The following DDN variants were observed in gnomAD, a reference collection of about 807,000 sequenced individuals.
DDN encodes dendrin.
Under a neutral mutation model 7.3 loss-of-function variants are expected in DDN, and 4 were observed. That is an observed-to-expected ratio of 0.55 (90% CI 0.27 to 1.25). The LOEUF is 1.25. DDN is among the 50% of genes most tolerant of loss of function. DDN has a pLI of 0.12. For missense variants in DDN, 933 were observed against 974.7 expected (o/e 0.96, Z 0.57); for synonymous variants, 425 against 424.3 (o/e 1.00, Z -0.02).
In DDN at chr12:48,996,811, G is replaced by T; in HGVS notation, c.2065C>A (p.Gln689Lys). The T allele has an allele frequency of 6.2e-7, 1 of 1,614,154 alleles. No homozygotes were observed. The highest frequency in any genetic ancestry group is 8.5e-7 in the Non-Finnish European group (1 of 1,180,012). The stretch of plus-strand genomic sequence containing the variant: ...ACCCCGAAGAGGACCTCCTCGGTTT[G>T]GCTTATGACATCTAGGATCTCCCCG... ...SVGEILDVISQTEEVLFGVRD... is the reference protein window; with the variant it reads ...SVGEILDVISKTEEVLFGVRD... Residue 689 changes from glutamine to lysine, a missense_variant, in exon 2 of 2, where the codon CAA (glutamine) becomes AAA (lysine). Coordinates refer to ENST00000421952, the MANE Select transcript of DDN (RefSeq NM_015086.2).
At position 48,998,227 on chromosome 12, in the gene DDN, G is replaced by C. The variant is rs1172374782; in HGVS notation, c.649C>G (p.Pro217Ala). The C allele has an allele frequency of 6.2e-7, 1 of 1,612,484 alleles. No homozygotes were observed. Residue 217 changes from proline to alanine, a missense_variant, in exon 2 of 2, where the codon CCA becomes GCA. Coordinates refer to ENST00000421952, the MANE Select transcript of DDN (RefSeq NM_015086.2). Reference protein sequence around the residue: ...LLLRGSAGTAPRRRWDRPPPY... With the variant: ...LLLRGSAGTAARRRWDRPPPY... ...GGCGGCCGGTCCCAGCGGCGTCGTG[G>C]GGCGGTCCCGGCAGAACCTCTCAGC...
In DDN at chr12:48,997,446, AG is replaced by A; in HGVS notation, c.1429del (p.Leu477PhefsTer6). ...CACGCGTGTCACCCCAGAGGGCAAAAGCTGCACCTGCTGGGTTCGGGGGGTT... is the reference window on the plus strand; with the variant it reads ...CACGCGTGTCACCCCAGAGGGCAAAACTGCACCTGCTGGGTTCGGGGGGTT... ...VPTPRTQQVQ[L>X]LPSGVTRVVG... is the part of the protein sequence containing the mutation. On this transcript the variant is annotated frameshift_variant, in exon 2 of 2. Coordinates refer to ENST00000421952, the MANE Select transcript of DDN (RefSeq NM_015086.2). LOFTEE classifies it low-confidence loss of function (END_TRUNC). 1 of 1,614,084 alleles carries A rather than the reference AG, an allele frequency of 6.2e-7. No homozygotes were observed. The highest frequency in any genetic ancestry group is 8.5e-7 in the Non-Finnish European group (1 of 1,180,008).
Position 48,997,816 on chromosome 12 carries a change from C to G in DDN, c.1060G>C (p.Ala354Pro), listed in dbSNP as rs1203889421. Residue 354 changes from alanine to proline, a missense_variant, in exon 2 of 2, where the codon GCT (alanine) becomes CCT (proline). Transcript: ENST00000421952. Reference sequence around the variant, plus strand: ...GGAGCGGGATGCGGGGCACAGGGAGCCGCAGTTGCAGACCCCGCAGGAGCT... The same window carrying G: ...GGAGCGGGATGCGGGGCACAGGGAGGCGCAGTTGCAGACCCCGCAGGAGCT... ...EIAPAGSATAAPCAPHPAPRS... is the reference protein window; with the variant it reads ...EIAPAGSATAPPCAPHPAPRS... 6.2e-7 allele frequency: 1 copy of G among 1,613,914 alleles called. No homozygotes were observed. The highest frequency in any genetic ancestry group is 8.5e-7 in the Non-Finnish European group (1 of 1,179,914).
chr12:48,998,976 G>A lies in DDN; in HGVS notation c.209+103C>T, dbSNP rs930819927. The A allele has an allele frequency of 1.3e-5, 17 of 1,330,916 alleles. No individual in the cohort carries two copies. In the African/African-American group the frequency reaches 2.3e-4, roughly 18 times the overall value. 82.4% of individuals were successfully genotyped at this position (1,330,916 alleles called of 1,614,324 possible). A position where few individuals can be genotyped will look rare whatever the true frequency, so the allele number is the denominator to read the frequency against. ...GGAGCGGGCAGAGGTGGAAGGCGTG[G>A]GAAAGAGAAGGGGGACCAGCAGTGC... On this transcript the variant is annotated intron_variant, in intron 1 of 1. Coordinates refer to ENST00000421952, the MANE Select transcript of DDN (RefSeq NM_015086.2).
chr12:48,998,650 C>A lies in DDN; in HGVS notation c.226G>T (p.Gly76Ter). ...FQNRTCGPRP[G>*]SPQPPPRRPW... ...CGGCGGGGCGGCGGCTGTGGGGATCCCGGGCGCGGCCCACACCTGGGACAA... is the reference window on the plus strand; with the variant it reads ...CGGCGGGGCGGCGGCTGTGGGGATCACGGGCGCGGCCCACACCTGGGACAA... Residue 76 changes from glycine to a stop codon, truncating the protein, a stop_gained, in exon 2 of 2, where the codon GGA becomes TGA. Transcript: ENST00000421952. LOFTEE classifies it low-confidence loss of function (END_TRUNC). 1 of 1,519,382 alleles carries A rather than the reference C, an allele frequency of 6.6e-7. No homozygotes were observed. The highest frequency in any genetic ancestry group is 1.2e-5 in the South Asian group (1 of 80,364). 94.1% of individuals were successfully genotyped at this position (1,519,382 alleles called of 1,614,324 possible).
chr12:48,997,041 C>A lies in DDN; in HGVS notation c.1835G>T (p.Arg612Leu). ...GCGGCGGATACGGGACACGGCTTCTCGCAGGGCCCCGGCGTAGGGCCCTGG... is the reference window on the plus strand; with the variant it reads ...GCGGCGGATACGGGACACGGCTTCTAGCAGGGCCCCGGCGTAGGGCCCTGG... ...RTPGPYAGAL[R>L]EAVSRIRRHT... The change falls in exon 2 of 2, where the codon CGA becomes CTA. Residue 612 changes from arginine to leucine, a missense_variant. Coordinates refer to ENST00000421952, the MANE Select transcript of DDN (RefSeq NM_015086.2). The A allele has an allele frequency of 6.4e-7, 1 of 1,554,698 alleles. No individual in the cohort carries two copies. Among genetic ancestry groups the A allele is most frequent in the Non-Finnish European group, 8.7e-7 (1 of 1,153,480 alleles).
rs1416336732 is a variant in DDN at position 48,998,447 on chromosome 12, G to C, written c.429C>G (p.Pro143=). ...GAGGGGCGTTGCGGGGCTCCGGGCG[G>C]GGTCGACCCGGGGGGCTCCGTCGGG... ...GGARRSPPGR[P]RPEPRNAPRV... is the part of the protein sequence containing the mutation. Residue 143 remains proline, a synonymous_variant, in exon 2 of 2, where the codon CCC becomes CCG. Transcript: ENST00000421952. 3 of 1,537,534 alleles carry C rather than the reference G, an allele frequency of 2.0e-6. No homozygotes were observed. The highest frequency in any genetic ancestry group is 1.2e-5 in the South Asian group (1 of 82,798).
chr12:48,998,999 T>A lies in DDN; in HGVS notation c.209+80A>T. The A allele has an allele frequency of 2.7e-6, 4 of 1,458,376 alleles. No individual in the cohort carries two copies. In the East Asian group the frequency reaches 9.1e-5, roughly 33 times the overall value. 90.3% of individuals were successfully genotyped at this position (1,458,376 alleles called of 1,614,324 possible). A position where few individuals can be genotyped will look rare whatever the true frequency, so the allele number is the denominator to read the frequency against. On this transcript the variant is annotated intron_variant, in intron 1 of 1. Transcript: ENST00000421952. ...TGGGAAAGAGAAGGGGGACCAGCAG[T>A]GCTCGCTGGTGCCTGCGGGGAGGTC...
rs982196468 is a variant in DDN at position 48,996,389 on chromosome 12, G to A, written c.*351C>T. On this transcript the variant is annotated 3_prime_UTR_variant, in exon 2 of 2. Coordinates refer to ENST00000421952, the MANE Select transcript of DDN (RefSeq NM_015086.2). ...CTTCACTTTTTCCCTCCTCCTCAGA[G>A]GCCCTACCCTACCCTGCCCTCCTAT... The A allele has an allele frequency of 2.3e-5, 5 of 216,456 alleles. No homozygotes were observed. The highest frequency in any genetic ancestry group is 3.7e-5 in the Non-Finnish European group (4 of 108,182). 13.4% of individuals were successfully genotyped at this position (216,456 alleles called of 1,614,324 possible).
At position 48,996,480 on chromosome 12, in the gene DDN, G is replaced by C. The variant is rs529181803; in HGVS notation, c.*260C>G. On this transcript the variant is annotated 3_prime_UTR_variant, in exon 2 of 2. Coordinates refer to ENST00000421952, the MANE Select transcript of DDN (RefSeq NM_015086.2). Reference sequence around the variant, plus strand: ...GCCTCTCTGCTCAGCTCCACACCCAGTGCATCAGCCCCTGCGAAGAGCTCA... The same window carrying C: ...GCCTCTCTGCTCAGCTCCACACCCACTGCATCAGCCCCTGCGAAGAGCTCA... 2.1e-6 allele frequency: 1 copy of C among 480,590 alleles called. No individual in the cohort carries two copies. The highest frequency in any genetic ancestry group is 3.6e-6 in the Non-Finnish European group (1 of 281,628). 29.8% of individuals were successfully genotyped at this position (480,590 alleles called of 1,614,324 possible).
rs867904797 is a variant in DDN, at chr12:48,998,326, C to A, written c.550G>T (p.Asp184Tyr). The change falls in exon 2 of 2, where the codon GAC becomes TAC. Residue 184 changes from aspartate (D) to tyrosine (Y), a missense_variant. Asp to Tyr is a radical substitution (Grantham distance 160). Coordinates refer to ENST00000421952, the MANE Select transcript of DDN (RefSeq NM_015086.2). Reference sequence around the variant, plus strand: ...GGCCCCGCCCACGCCGACCCTGGGTCGCTCTGCGGCTGCGCGGATGGACGG... The same window carrying A: ...GGCCCCGCCCACGCCGACCCTGGGTAGCTCTGCGGCTGCGCGGATGGACGG... ...APRPSAQPQS[D>Y]PGSAWAGPWG... 2 of 1,548,924 alleles carry A rather than the reference C, an allele frequency of 1.3e-6. No homozygotes were observed. The highest frequency in any genetic ancestry group is 1.8e-4 in the Middle Eastern group (1 of 5,688).
At position 48,997,817 on chromosome 12, in the gene DDN, C is replaced by T. The variant is rs745961256; in HGVS notation, c.1059G>A (p.Ala353=). 9.3e-6 allele frequency: 15 copies of T among 1,613,932 alleles called. No individual in the cohort carries two copies. Among genetic ancestry groups the T allele is most frequent in the Non-Finnish European group, 1.3e-5 (15 of 1,179,926 alleles). The change falls in exon 2 of 2, where the codon GCG becomes GCA. Residue 353 remains alanine, a synonymous_variant. Transcript: ENST00000421952. ...GAGCGGGATGCGGGGCACAGGGAGC[C>T]GCAGTTGCAGACCCCGCAGGAGCTA... The part of the protein sequence containing the change: ...TEIAPAGSAT[A]APCAPHPAPR...
chr12:48,996,589 C>G lies in DDN; in HGVS notation c.*151G>C. ...AAACAAAATCATTAATGGGCATATG[C>G]TTCCCTTCCTTTCATTTATATTTCA... On this transcript the variant is annotated 3_prime_UTR_variant, in exon 2 of 2. Coordinates refer to ENST00000421952, the MANE Select transcript of DDN (RefSeq NM_015086.2). 1 of 1,306,030 alleles carries G rather than the reference C, an allele frequency of 7.7e-7. No homozygotes were observed. Among genetic ancestry groups the G allele is most frequent in the Non-Finnish European group, 1.0e-6 (1 of 979,888 alleles). 80.9% of individuals were successfully genotyped at this position (1,306,030 alleles called of 1,614,324 possible). A position where few individuals can be genotyped will look rare whatever the true frequency, so the allele number is the denominator to read the frequency against.
At position 48,996,517 on chromosome 12, in the gene DDN, T is replaced by C; in HGVS notation, c.*223A>G. ...CTGCGAAGAGCTCACCCTTGTGCCC[T>C]GAACATAACAGACATTAATTAAATC... On this transcript the variant is annotated 3_prime_UTR_variant, in exon 2 of 2. Transcript: ENST00000421952. 1 of 736,928 alleles carries C rather than the reference T, an allele frequency of 1.4e-6. No individual in the cohort carries two copies. Among genetic ancestry groups the C allele is most frequent in the Non-Finnish European group, 2.1e-6 (1 of 481,388 alleles). The allele number at this position is 736,928 out of a possible 1,614,324, so 45.6% of individuals were successfully genotyped here. A position where few individuals can be genotyped will look rare whatever the true frequency, so the allele number is the denominator to read the frequency against.
At position 48,997,806 on chromosome 12, in the gene DDN, G is replaced by T. The variant is rs530036323; in HGVS notation, c.1070C>A (p.Ala357Asp). The T allele has an allele frequency of 2.2e-5, 35 of 1,613,782 alleles. No individual in the cohort carries two copies. The South Asian group carries it at 3.8e-4, about 18-fold the overall frequency. Residue 357 changes from alanine (A) to aspartate (D), a missense_variant, in exon 2 of 2, where the codon GCC (alanine) becomes GAC (aspartate). Ala to Asp is a moderately radical substitution (Grantham distance 126). Coordinates refer to ENST00000421952, the MANE Select transcript of DDN (RefSeq NM_015086.2). Reference sequence around the variant, plus strand: ...CCTGGATCTGGGAGCGGGATGCGGGGCACAGGGAGCCGCAGTTGCAGACCC... The same window carrying T: ...CCTGGATCTGGGAGCGGGATGCGGGTCACAGGGAGCCGCAGTTGCAGACCC... ...PAGSATAAPC[A>D]PHPAPRSRHH...
In DDN at chr12:48,997,339, G is replaced by C; in HGVS notation, c.1537C>G (p.Arg513Gly). 1 of 1,610,532 alleles carries C rather than the reference G, an allele frequency of 6.2e-7. No homozygotes were observed. Among genetic ancestry groups the C allele is most frequent in the Non-Finnish European group, 8.5e-7 (1 of 1,178,688 alleles). ...TGTAAAAGGCGACTGCTCGACAGCC[G>C]CTTTTGACAAGGGGAAGGAAAGACC... ...ATVFPSPCQK[R>G]LSSSRLLHQP... Residue 513 changes from arginine to glycine, a missense_variant, in exon 2 of 2, where the codon CGG (arginine) becomes GGG (glycine). Arg to Gly is a moderately radical substitution (Grantham distance 125). Coordinates refer to ENST00000421952, the MANE Select transcript of DDN (RefSeq NM_015086.2).
At position 48,998,673 on chromosome 12, in the gene DDN, C is replaced by T. The variant is rs1180786563; in HGVS notation, c.210-7G>A. The T allele has an allele frequency of 6.7e-7, 1 of 1,490,714 alleles. No homozygotes were observed. Among genetic ancestry groups the T allele is most frequent in the Middle Eastern group, 2.0e-4 (1 of 4,998 alleles). 92.3% of individuals were successfully genotyped at this position (1,490,714 alleles called of 1,614,324 possible). A position where few individuals can be genotyped will look rare whatever the true frequency, so the allele number is the denominator to read the frequency against. Reference sequence around the variant, plus strand: ...TCCCGGGCGCGGCCCACACCTGGGACAATGAGCAGGAACCCAGGTGAGCAG... The same window carrying T: ...TCCCGGGCGCGGCCCACACCTGGGATAATGAGCAGGAACCCAGGTGAGCAG... On this transcript the variant is annotated splice_region_variant and splice_polypyrimidine_tract_variant and intron_variant, in intron 1 of 1. Transcript: ENST00000421952.
In DDN at chr12:48,996,257, C is replaced by T. The variant is rs1362051835; in HGVS notation, c.*483G>A. On this transcript the variant is annotated 3_prime_UTR_variant, in exon 2 of 2. Coordinates refer to ENST00000421952, the MANE Select transcript of DDN (RefSeq NM_015086.2). ...GATTGAAATCCAAGACTTGTGACAC[C>T]AAGGTGAGCCCTCCTTCTGCTTTGT... is the stretch of plus-strand genomic sequence containing the variant. 1 of 153,260 alleles carries T rather than the reference C, an allele frequency of 6.5e-6. No individual in the cohort carries two copies. Among genetic ancestry groups the T allele is most frequent in the Non-Finnish European group, 1.5e-5 (1 of 68,748 alleles). The allele number at this position is 153,260 out of a possible 1,614,324, so 9.5% of individuals were successfully genotyped here.
At position 48,999,126 on chromosome 12, in the gene DDN, G is replaced by A. The variant is rs374112105; in HGVS notation, c.162C>T (p.Pro54=). The change falls in exon 1 of 2, where the codon CCC becomes CCT. Residue 54 remains proline, a synonymous_variant. Transcript: ENST00000421952. ...HYSRRAPSRQ[P]MDFQASHWAR... is the part of the protein sequence containing the mutation. ...CCCAGTGGCTGGCCTGGAAGTCCATGGGCTGTCGAGAAGGGGCGCGGCGAC... is the reference window on the plus strand; with the variant it reads ...CCCAGTGGCTGGCCTGGAAGTCCATAGGCTGTCGAGAAGGGGCGCGGCGAC... 3 of 1,613,970 alleles carry A rather than the reference G, an allele frequency of 1.9e-6. No homozygotes were observed. The African/African-American group carries it at 4.0e-5, about 22-fold the overall frequency.
Sources: allele counts gnomAD v4.1 joint callset, GRCh38; gene constraint gnomAD v4.1.1; transcripts MANE v1.5; gene names NCBI Gene and HGNC (gene_info 2026-07-23, HGNC 2026-07-21).